The following KDM5B variants were observed in gnomAD, a reference collection of about 807,000 sequenced individuals.
The protein encoded by KDM5B is lysine demethylase 5B.
Under a neutral mutation model 193.4 loss-of-function variants are expected in KDM5B, and 144 were observed. The observed-to-expected ratio is 0.74, with a 90% CI of 0.65 to 0.86. The LOEUF (loss-of-function observed/expected upper bound fraction) is 0.86, where lower values mean the gene tolerates loss of function less well. KDM5B is among the 40% of genes least tolerant of loss of function. The probability of loss-of-function intolerance (pLI) is 0.00; values close to 1 mark genes in which losing one functional copy is unlikely to be tolerated. For missense variants in KDM5B, 1,833 were observed against 1,886.9 expected, an observed-to-expected ratio of 0.97 and a Z score of 0.53; for synonymous variants, 668 against 682.6, an observed-to-expected ratio of 0.98 and a Z score of 0.33.
chr1:202,778,067 C>A (rs1043336512), intron 1 of KDM5B, among the ~76,000 whole-genome samples: 1 of 151,774 alleles, frequency 6.6e-6, no homozygotes, highest in Non-Finnish European at 1.5e-5. Flanking sequence ...CCCAGCTACT[C>A]AGGAGGCTGA....
In KDM5B at chr1:202,728,918, T is replaced by C; in HGVS notation, c.*118A>G. On this transcript the variant is annotated 3_prime_UTR_variant, in exon 27 of 27. Transcript: ENST00000367265. ...AAAATGATCCCATAAGGAATAGAAATAGCACCGTTTACAGGCTGGCTTGAG... is the reference window on the plus strand; with the variant it reads ...AAAATGATCCCATAAGGAATAGAAACAGCACCGTTTACAGGCTGGCTTGAG... 1 of 1,171,458 alleles carries C rather than the reference T, an allele frequency of 8.5e-7. No individual in the cohort carries two copies. Among genetic ancestry groups the C allele is most frequent in the Non-Finnish European group, 1.2e-6 (1 of 807,486 alleles). 72.6% of individuals were successfully genotyped at this position (1,171,458 alleles called of 1,614,324 possible).
At chr1:202,774,785 TCCTATTA>T (rs1382830774) in intron 2 of KDM5B, 50 bp from the exon 3 acceptor site, 2 of 1,532,188 alleles carry the variant, frequency 1.3e-6, no homozygotes, top group Admixed American at 1.9e-5. Flanking sequence ...ATTTTAAAGC[TCCTATTA>T]CCTGCCATTA....
In KDM5B at chr1:202,773,142, T is replaced by C; in HGVS notation, c.552A>G (p.Leu184=). ...HYERILNPYN[L]FLSGDSLRCL... ...CCCTTAGGCTGTCTCCGGACAGGAA[T>C]AAGTTGTAGGGGTTGAGAATTCGTT... Residue 184 remains leucine, a synonymous_variant, in exon 4 of 27, where the codon TTA becomes TTG. Transcript: ENST00000367265. 6.2e-7 allele frequency: 1 copy of C among 1,613,574 alleles called. No homozygotes were observed. The highest frequency in any genetic ancestry group is 1.1e-5 in the South Asian group (1 of 91,048).
intron 1 of KDM5B, among the ~76,000 whole-genome samples, chr1:202,779,788 G>A (rs1367497266): frequency 6.8e-6 from 1 of 147,468 alleles, no homozygotes; most frequent in East Asian, 2.0e-4. Context: ...GGGCGACAGA[G>A]TCAGACTCCG....
At chr1:202,754,905 G>A (rs1013643341) in intron 11 of KDM5B, among the ~76,000 whole-genome samples, 13 of 152,130 alleles carry the variant, frequency 8.5e-5, no homozygotes, top group African/African-American at 2.7e-4. Context: ...GGCTGGTCTC[G>A]AACTCCTGAC....
intron 16 of KDM5B, 39 bp from the exon 17 acceptor site, chr1:202,742,844 TA>T: frequency 6.4e-7 from 1 of 1,567,618 alleles, no homozygotes; most frequent in East Asian, 2.2e-5. Flanking sequence ...CTGTAATCAT[TA>T]TGTTTATTAC....
chr1:202,770,554 G>GT (rs1656670985), intron 4 of KDM5B, among the ~76,000 whole-genome samples: 1 of 152,028 alleles, frequency 6.6e-6, no homozygotes, highest in African/African-American at 2.4e-5. Context: ...TAAAAAACTA[G>GT]AACTGACCTA....
In KDM5B at chr1:202,741,800, T is replaced by C. The variant is rs761568261; in HGVS notation, c.2590-78A>G. 433 of 795,726 alleles carry C rather than the reference T, an allele frequency of 5.4e-4. 2 individuals carry two copies. The highest frequency in any genetic ancestry group is 1.3e-3 in the East Asian group (52 of 39,472). The allele number at this position is 795,726 out of a possible 1,614,324, so 49.3% of individuals were successfully genotyped here. On this transcript the variant is annotated intron_variant, in intron 18 of 26. Coordinates refer to ENST00000367265, the MANE Select transcript of KDM5B (RefSeq NM_006618.5). The stretch of plus-strand genomic sequence containing the variant: ...CTTCTTTCAAACTTAGAATCTTAAA[T>C]TCATATTCAATGAGATCCCATTTAA...
At position 202,729,883 on chromosome 1, in the gene KDM5B, TCA is replaced by T; in HGVS notation, c.4319_4320del (p.Leu1440GlnfsTer16). On this transcript the variant is annotated frameshift_variant, in exon 26 of 27. Coordinates refer to ENST00000367265, the MANE Select transcript of KDM5B (RefSeq NM_006618.5). LOFTEE classifies it high-confidence loss of function. ...MRTPKKKKIKLSHPKDMNNFK... is the reference protein window; with the variant it reads ...MRTPKKKKIKXSHPKDMNNFK... ...AAATTGTTCATGTCCTTGGGGTGGC[TCA>T]GTTTGATTTTCTTCTTTTTGGGGGT... 6.2e-7 allele frequency: 1 copy of T among 1,614,188 alleles called. No homozygotes were observed.
intron 23 of KDM5B, 86 bp from the exon 24 acceptor site, chr1:202,732,025 C>T (rs1458072414): frequency 5.0e-6 from 4 of 792,594 alleles, no homozygotes; most frequent in Non-Finnish European, 6.0e-6. Context: ...TTGCATTACC[C>T]AGGCAGGCAA....
At chr1:202,745,714 G>T in intron 16 of KDM5B, 144 bp downstream of exon 16, 1 of 842,284 alleles carries the variant, frequency 1.2e-6, no homozygotes, top group Non-Finnish European at 1.9e-6. Flanking sequence ...CTTCTCTGCC[G>T]GTGCTCTGTA....
At chr1:202,767,966 A>G (rs1302330199) in intron 4 of KDM5B, among the ~76,000 whole-genome samples, 1 of 152,218 alleles carries the variant, frequency 6.6e-6, no homozygotes, top group African/African-American at 2.4e-5. Context: ...AGATTTTACA[A>G]CTGTATAGTT....
At chr1:202,784,126 A>T (rs1467844392) in intron 1 of KDM5B, among the ~76,000 whole-genome samples, 1 of 152,212 alleles carries the variant, frequency 6.6e-6, no homozygotes, top group Non-Finnish European at 1.5e-5. Flanking sequence ...TTTTCCAAAA[A>T]ATGCCAGGAA....
intron 1 of KDM5B, among the ~76,000 whole-genome samples, chr1:202,801,810 C>T (rs577679553): frequency 6.6e-6 from 1 of 152,092 alleles, no homozygotes; most frequent in Non-Finnish European, 1.5e-5. Context: ...TTTAAATAAT[C>T]AAAAGTCAAT....
chr1:202,741,609 A>C lies in KDM5B; in HGVS notation c.2703T>G (p.Asp901Glu). ...QDLLDVSFEF[D>E]VELPQLAEMR... ...TCTCAGCAAGCTGTGGAAGTTCAACATCAAATTCAAAGCTGACATCTAGCA... is the reference window on the plus strand; with the variant it reads ...TCTCAGCAAGCTGTGGAAGTTCAACCTCAAATTCAAAGCTGACATCTAGCA... Residue 901 changes from aspartate to glutamate, a missense_variant, in exon 19 of 27, where the codon GAT becomes GAG. Around this residue, in one of 3 missense-constraint regions of KDM5B, gnomAD observed 1,379 missense variants for 1,349.6 expected, o/e 1.02. Coordinates refer to ENST00000367265, the MANE Select transcript of KDM5B (RefSeq NM_006618.5). The C allele has an allele frequency of 1.2e-6, 2 of 1,614,234 alleles. No homozygotes were observed. Among genetic ancestry groups the C allele is most frequent in the Non-Finnish European group, 1.7e-6 (2 of 1,180,020 alleles).
Position 202,731,055 on chromosome 1 carries a change from G to C in KDM5B, c.4030C>G (p.Pro1344Ala). ...RSCIPLHGVSPEVNELLMEAQ... is the reference protein window; with the variant it reads ...RSCIPLHGVSAEVNELLMEAQ... ...TCCATCAATAGTTCATTCACTTCTG[G>C]ACTAACACCTGTAAAAGACCAGACC... Residue 1344 changes from proline (P) to alanine (A), a missense_variant, in exon 25 of 27, where the codon CCA becomes GCA. Physicochemically the swap from Pro to Ala is conservative, Grantham distance 27. Around this residue, in one of 3 missense-constraint regions of KDM5B, gnomAD observed 1,379 missense variants for 1,349.6 expected, o/e 1.02. Transcript: ENST00000367265. The C allele has an allele frequency of 6.2e-7, 1 of 1,604,604 alleles. No homozygotes were observed. Among genetic ancestry groups the C allele is most frequent in the Non-Finnish European group, 8.5e-7 (1 of 1,174,444 alleles).
Position 202,724,730 on chromosome 1 carries a change from G to A in KDM5B, c.*4306C>T, listed in dbSNP as rs538389796. 2 of 117,960 alleles carry A rather than the reference G, an allele frequency of 1.7e-5. No individual in the cohort carries two copies. The highest frequency in any genetic ancestry group is 6.0e-4 in the South Asian group (2 of 3,318). 7.3% of individuals were successfully genotyped at this position (117,960 alleles called of 1,614,324 possible). ...TACTTGTCCTGATCATACACAGAAG[G>A]GGCTTGTGTGTGTGTTTGTGTGTGT... On this transcript the variant is annotated 3_prime_UTR_variant, in exon 27 of 27. Coordinates refer to ENST00000367265, the MANE Select transcript of KDM5B (RefSeq NM_006618.5).
rs1157479752 is a variant in KDM5B, at chr1:202,745,986, G to A, written c.2199-4C>T. 6.2e-7 allele frequency: 1 copy of A among 1,613,904 alleles called. No homozygotes were observed. The highest frequency in any genetic ancestry group is 2.2e-5 in the East Asian group (1 of 44,876). ...ATCATCCAGCGTGTACCTATACCTG[G>A]AAATAATACCACCACACTTAGCTTT... is the stretch of plus-strand genomic sequence containing the variant. On this transcript the variant is annotated splice_polypyrimidine_tract_variant and splice_region_variant and intron_variant, in intron 15 of 26. Transcript: ENST00000367265.
intron 1 of KDM5B, among the ~76,000 whole-genome samples, chr1:202,804,799 C>G (rs1210184515): frequency 1.1e-4 from 16 of 143,742 alleles, no homozygotes. Flanking sequence ...CACCTGAGGT[C>G]GGGAGGCAGA....
Sources: allele counts gnomAD v4.1 joint callset (sites outside exome capture counted in the v4.1 genomes callset), GRCh38; gene constraint gnomAD v4.1.1; regional missense constraint gnomAD v4.1.1; transcripts MANE v1.5; gene names NCBI Gene and HGNC (gene_info 2026-07-23, HGNC 2026-07-21).